STAU2: variants seen among roughly 807,000 people sequenced by gnomAD.
STAU2 encodes the protein double-stranded RNA-binding protein Staufen homolog 2.
Under a neutral mutation model 65.9 loss-of-function variants are expected in STAU2, and 20 were observed. The observed-to-expected ratio is 0.30, with a 90% CI of 0.21 to 0.44. The LOEUF (loss-of-function observed/expected upper bound fraction) is 0.44, where lower values mean the gene tolerates loss of function less well. STAU2 is among the 20% of genes least tolerant of loss of function. The probability of loss-of-function intolerance (pLI) is 1.00; values close to 1 mark genes in which losing one functional copy is unlikely to be tolerated. For missense variants in STAU2, 558 were observed against 683.9 expected (o/e 0.82, Z 2.05); for synonymous variants, 232 against 233.9 (o/e 0.99, Z 0.07).
chr8:73,592,623 C>G (rs62510321), intron 11 of STAU2, among the ~76,000 whole-genome samples: 6,649 of 152,218 alleles, frequency 0.044, 354 homozygotes, highest in Admixed American at 0.16. Flanking sequence ...CCTTGGGAAG[C>G]CAAGGCAGGC....
chr8:73,589,560 C>T (rs917038613), intron 11 of STAU2, among the ~76,000 whole-genome samples: 8 of 151,982 alleles, frequency 5.3e-5, no homozygotes, highest in South Asian at 2.1e-4. Context: ...AAATCCTAAA[C>T]GAAAAATATT....
chr8:73,666,069 G>A (rs1257991128), intron 6 of STAU2, among the ~76,000 whole-genome samples: 1 of 152,090 alleles, frequency 6.6e-6, no homozygotes, highest in Non-Finnish European at 1.5e-5. Context: ...CTGGATCCAT[G>A]AATGCTGAGC....
intron 13 of STAU2, among the ~76,000 whole-genome samples, chr8:73,518,922 C>T (rs1228079788): frequency 6.6e-6 from 1 of 151,972 alleles, no homozygotes; most frequent in African/African-American, 2.4e-5. Context: ...GAGGGAGGAC[C>T]ATTTTGAAAT....
chr8:73,478,779 A>C (rs1028356467), intron 13 of STAU2, among the ~76,000 whole-genome samples: 3 of 152,120 alleles, frequency 2.0e-5, no homozygotes, highest in Admixed American at 2.0e-4. Context: ...AAAAATCATT[A>C]AGAATTGTAA....
chr8:73,457,264 G>A (rs1819120508), intron 13 of STAU2, among the ~76,000 whole-genome samples: 1 of 152,182 alleles, frequency 6.6e-6, no homozygotes, highest in Non-Finnish European at 1.5e-5. Flanking sequence ...CCCTTCAGAT[G>A]TTACTATCTA....
At chr8:73,607,746 A>C (rs1270832327) in intron 9 of STAU2, among the ~76,000 whole-genome samples, 1 of 152,052 alleles carries the variant, frequency 6.6e-6, no homozygotes, top group East Asian at 1.9e-4. Flanking sequence ...TCAAAAAAAA[A>C]AAAAAAAGCA....
chr8:73,646,124 A>G (rs940972494), intron 6 of STAU2, among the ~76,000 whole-genome samples: 13 of 152,348 alleles, frequency 8.5e-5, no homozygotes, highest in African/African-American at 3.1e-4. Context: ...CCTAGAACTA[A>G]TAAGTGAATT....
chr8:73,468,534 GA>G (rs1241606428), intron 13 of STAU2, among the ~76,000 whole-genome samples: 3 of 152,128 alleles, frequency 2.0e-5, no homozygotes, highest in Non-Finnish European at 2.9e-5. Flanking sequence ...CAGAATGGGA[GA>G]AAATTTTTGC....
chr8:73,635,086 T>C (rs1283390647), intron 6 of STAU2, among the ~76,000 whole-genome samples: 1 of 152,118 alleles, frequency 6.6e-6, no homozygotes, highest in Non-Finnish European at 1.5e-5. Context: ...CATCAGAAGA[T>C]TCAAAACAAC....
intron 6 of STAU2, among the ~76,000 whole-genome samples, chr8:73,630,024 G>A (rs1285947836): frequency 6.6e-6 from 1 of 152,082 alleles, no homozygotes; most frequent in African/African-American, 2.4e-5. Flanking sequence ...TATTAAAAGT[G>A]TAAAAAAAGC....
chr8:73,546,121 TTC>T, intron 13 of STAU2, among the ~76,000 whole-genome samples: 2 of 112,356 alleles, frequency 1.8e-5, no homozygotes, highest in Non-Finnish European at 3.7e-5. Context: ...TTGTTTGGTT[TTC>T]TTTTTTTTTT....
chr8:73,663,294 TATC>T (rs1357357781), intron 6 of STAU2, among the ~76,000 whole-genome samples: 3 of 152,172 alleles, frequency 2.0e-5, no homozygotes, highest in Admixed American at 2.0e-4. Flanking sequence ...TGTTGTAAAA[TATC>T]ATTTTATTTT....
intron 13 of STAU2, among the ~76,000 whole-genome samples, chr8:73,496,598 A>G (rs936377986): frequency 1.3e-4 from 20 of 151,876 alleles, no homozygotes; most frequent in African/African-American, 4.8e-4. Context: ...ACAGAAATAT[A>G]GTGCAGGCTA....
chr8:73,527,862 A>C, intron 13 of STAU2: 1 of 637,482 alleles, frequency 1.6e-6, no homozygotes, highest in Non-Finnish European at 2.4e-6. Context: ...CAAGATGCAA[A>C]TAGGTCCTTT....
intron 13 of STAU2, among the ~76,000 whole-genome samples, chr8:73,451,665 G>A (rs1297152272): frequency 1.3e-5 from 2 of 151,892 alleles, no homozygotes; most frequent in Admixed American, 1.3e-4. Flanking sequence ...CTCTTCTCAG[G>A]GTGAGGAAGG....
At chr8:73,517,443 A>C (rs980410956) in intron 13 of STAU2, among the ~76,000 whole-genome samples, 2 of 151,808 alleles carry the variant, frequency 1.3e-5, no homozygotes, top group African/African-American at 4.8e-5. Context: ...AAAATAAATA[A>C]ATAAAGGAAC....
chr8:73,445,836 G>C (rs1818437219), intron 13 of STAU2, among the ~76,000 whole-genome samples: 1 of 152,218 alleles, frequency 6.6e-6, no homozygotes, highest in South Asian at 2.1e-4. Flanking sequence ...CCATACGCTA[G>C]AGAAGATTCG....
intron 11 of STAU2, among the ~76,000 whole-genome samples, chr8:73,591,768 A>G (rs981556799): frequency 6.6e-6 from 1 of 151,814 alleles, no homozygotes; most frequent in Non-Finnish European, 1.5e-5. Flanking sequence ...TTAACACTGG[A>G]CAAAACAAGT....
intron 6 of STAU2, among the ~76,000 whole-genome samples, chr8:73,635,549 G>A (rs1049230096): frequency 2.0e-4 from 30 of 152,252 alleles, no homozygotes; most frequent in African/African-American, 6.7e-4. Context: ...ATCTGAGGCC[G>A]AGGGCGGTGG....
Sources: allele counts gnomAD v4.1 joint callset (sites outside exome capture counted in the v4.1 genomes callset), GRCh38; gene constraint gnomAD v4.1.1; transcripts MANE v1.5; gene names NCBI Gene and HGNC (gene_info 2026-07-23, HGNC 2026-07-21).